Variants in ARMH4 observed in about 807,000 individuals in gnomAD.
The protein encoded by ARMH4 is armadillo-like helical domain-containing protein 4.
Under a neutral mutation model 61.9 loss-of-function variants are expected in ARMH4, and 49 were observed. The observed-to-expected ratio is 0.79, with a 90% CI of 0.63 to 1.00. The LOEUF is 1.00. ARMH4 is among the 50% of genes least tolerant of loss of function. The pLI is 0.00. For synonymous variants in ARMH4, 368 were observed against 341.5 expected (o/e 1.08, Z -0.85); for missense variants, 934 against 930.0 (o/e 1.00, Z -0.06).
intron 5 of ARMH4, among the ~76,000 whole-genome samples, chr14:58,064,483 CG>C (rs1431305303): frequency 6.6e-6 from 1 of 152,134 alleles, no homozygotes; most frequent in African/African-American, 2.4e-5. Context: ...TTTATACAAA[CG>C]GATGTTTTTC....
At chr14:58,082,237 C>CGACT (rs758435408) in intron 5 of ARMH4, among the ~76,000 whole-genome samples, 15 of 152,184 alleles carry the variant, frequency 9.9e-5, no homozygotes, top group Non-Finnish European at 1.6e-4. Flanking sequence ...TCCTCAAATA[C>CGACT]AGTCATCTTG....
rs145180619 is a variant in ARMH4 at position 58,138,537 on chromosome 14, G to A, written c.822C>T (p.Leu274=). Residue 274 remains leucine (L), a synonymous_variant, in exon 2 of 8, where the codon CTC becomes CTT. Transcript: ENST00000267485. ...NTQAAATKQP[L]ETSEYTLSVE... ...CACTCAGGGTGTACTCGGAAGTTTC[G>A]AGTGGTTGCTTGGTGGCAGCAGCCT... 61 of 1,614,206 alleles carry A rather than the reference G, an allele frequency of 3.8e-5. No individual in the cohort carries two copies. The highest frequency in any genetic ancestry group is 3.0e-4 in the Admixed American group (18 of 60,020).
chr14:58,070,394 T>G (rs543134969), intron 5 of ARMH4, among the ~76,000 whole-genome samples: 1 of 152,080 alleles, frequency 6.6e-6, no homozygotes, highest in South Asian at 2.1e-4. Context: ...TTTTTACAGA[T>G]GAAAACAGTA....
intron 5 of ARMH4, among the ~76,000 whole-genome samples, chr14:58,044,401 T>C (rs147193644): frequency 0.13 from 20,407 of 152,202 alleles, 2,027 homozygotes; most frequent in East Asian, 0.5. Context: ...CTGGGAAAAC[T>C]GGCTAGCCAT....
intron 4 of ARMH4, among the ~76,000 whole-genome samples, chr14:58,120,756 T>G (rs1357752110): frequency 1.3e-5 from 2 of 152,104 alleles, no homozygotes; most frequent in African/African-American, 4.8e-5. Context: ...CTATTCAGAT[T>G]TTAGTTAATC....
chr14:58,110,156 G>A (rs1886305282), intron 4 of ARMH4, among the ~76,000 whole-genome samples: 1 of 152,190 alleles, frequency 6.6e-6, no homozygotes, highest in African/African-American at 2.4e-5. Context: ...TAAGGTGGAA[G>A]TTACTTAGCT....
intron 5 of ARMH4, among the ~76,000 whole-genome samples, chr14:58,049,200 C>T (rs973191199): frequency 3.4e-5 from 5 of 148,942 alleles, no homozygotes; most frequent in Non-Finnish European, 7.4e-5. Context: ...GATGGCACCA[C>T]TGCACTCCAG....
At chr14:58,076,256 C>T (rs184382286) in intron 5 of ARMH4, among the ~76,000 whole-genome samples, 75 of 152,244 alleles carry the variant, frequency 4.9e-4, no homozygotes, top group African/African-American at 1.6e-3. Context: ...GGAAAAGATG[C>T]CCATGTGCCT....
intron 4 of ARMH4, among the ~76,000 whole-genome samples, chr14:58,105,037 C>T (rs1322407392): frequency 1.3e-5 from 2 of 152,294 alleles, no homozygotes; most frequent in South Asian, 2.1e-4. Flanking sequence ...AGAAAGTCAT[C>T]TGTATTTCGG....
At chr14:58,104,896 A>C (rs1223782472) in intron 4 of ARMH4, among the ~76,000 whole-genome samples, 1 of 152,240 alleles carries the variant, frequency 6.6e-6, no homozygotes, top group African/African-American at 2.4e-5. Flanking sequence ...TATCTAAAGA[A>C]TCACATAGTA....
chr14:58,016,390 G>A (rs747643806), intron 5 of ARMH4, among the ~76,000 whole-genome samples: 3 of 152,090 alleles, frequency 2.0e-5, no homozygotes, highest in Non-Finnish European at 2.9e-5. Flanking sequence ...GCCTGAGTTT[G>A]TAGATAAAAA....
At chr14:58,014,398 T>A (rs1020841901) in intron 5 of ARMH4, among the ~76,000 whole-genome samples, 1 of 152,168 alleles carries the variant, frequency 6.6e-6, no homozygotes, top group African/African-American at 2.4e-5. Flanking sequence ...CGTGGAGAAG[T>A]AAGATCCACC....
chr14:58,051,513 G>A (rs1456267049), intron 5 of ARMH4, among the ~76,000 whole-genome samples: 2 of 152,132 alleles, frequency 1.3e-5, no homozygotes, highest in Admixed American at 6.6e-5. Flanking sequence ...ATTACAAAAG[G>A]AATAGTTCCA....
chr14:58,061,830 G>A (rs1884540505), intron 5 of ARMH4, among the ~76,000 whole-genome samples: 1 of 152,112 alleles, frequency 6.6e-6, no homozygotes, highest in Non-Finnish European at 1.5e-5. Flanking sequence ...CTACGAGGCA[G>A]CCTTCAACTT....
chr14:58,070,110 G>A (rs750849975), intron 5 of ARMH4, among the ~76,000 whole-genome samples: 1 of 152,170 alleles, frequency 6.6e-6, no homozygotes, highest in Non-Finnish European at 1.5e-5. Context: ...GAGTGGATGC[G>A]AGAACCGAGT....
intron 5 of ARMH4, among the ~76,000 whole-genome samples, chr14:58,027,737 A>G (rs1883071433): frequency 6.6e-6 from 1 of 152,226 alleles, no homozygotes; most frequent in Admixed American, 6.5e-5. Context: ...AAAGGGGACA[A>G]AAGGCAACTT....
chr14:58,139,720 T>C (rs1887466721), intron 1 of ARMH4, among the ~76,000 whole-genome samples: 1 of 152,252 alleles, frequency 6.6e-6, no homozygotes, highest in Admixed American at 6.5e-5. Context: ...ATTTGCAATA[T>C]TCTCTCCAAA....
intron 5 of ARMH4, among the ~76,000 whole-genome samples, chr14:58,085,257 A>T (rs1344876419): frequency 6.6e-6 from 1 of 152,084 alleles, no homozygotes; most frequent in Non-Finnish European, 1.5e-5. Flanking sequence ...AAACTCTTTA[A>T]CATCATCTTT....
chr14:58,004,916 G>T, intron 7 of ARMH4, 112 bp from the exon 8 acceptor site: 3 of 1,515,572 alleles, frequency 2.0e-6, no homozygotes, highest in Non-Finnish European at 1.8e-6. Flanking sequence ...AGGAGCTACA[G>T]CAGCTAATCC....
Sources: gnomAD v4.1 joint callset for allele counts (sites outside exome capture counted in the v4.1 genomes callset) on GRCh38, gnomAD v4.1.1 for gene constraint, MANE v1.5 for transcripts, NCBI Gene and HGNC (gene_info 2026-07-23, HGNC 2026-07-21) for gene names.